The following PDE11A variants were observed in gnomAD, a reference collection of about 807,000 sequenced individuals.
PDE11A encodes the protein dual 3',5'-cyclic-AMP and -GMP phosphodiesterase 11A.
Under a neutral mutation model 100.5 loss-of-function variants are expected in PDE11A, and 100 were observed. That is an observed-to-expected ratio of 1.00 (90% confidence interval 0.85 to 1.18). The LOEUF (loss-of-function observed/expected upper bound fraction) is 1.18, where lower values mean the gene tolerates loss of function less well. Ranked by LOEUF, PDE11A falls within the 50% of genes most tolerant of loss-of-function variation. The pLI is 0.00. For missense variants in PDE11A, 1,141 were observed against 1,152.6 expected (o/e 0.99, Z 0.15); for synonymous variants, 381 against 420.8 (o/e 0.91, Z 1.16).
chr2:177,737,306 C>T (rs530710707), intron 10 of PDE11A, among the ~76,000 whole-genome samples: 108 of 151,404 alleles, frequency 7.1e-4, no homozygotes, highest in African/African-American at 2.3e-3. Context: ...TGGCTGGGTG[C>T]GGTGGCTCAC....
At chr2:177,665,503 TAAATA>T (rs34758781) in intron 18 of PDE11A, among the ~76,000 whole-genome samples, 11 of 143,748 alleles carry the variant, frequency 7.7e-5, no homozygotes, top group East Asian at 2.0e-4. Flanking sequence ...TAATAATAAA[TAAATA>T]AAATAAAATA....
chr2:178,081,328 C>A (rs993950341), intron 2 of PDE11A, among the ~76,000 whole-genome samples: 1 of 152,022 alleles, frequency 6.6e-6, no homozygotes. Context: ...AACTTTTCTA[C>A]AAGCTATTTT....
intron 10 of PDE11A, among the ~76,000 whole-genome samples, chr2:177,731,660 G>A (rs1158989117): frequency 1.3e-5 from 2 of 152,124 alleles, no homozygotes; most frequent in Non-Finnish European, 2.9e-5. Flanking sequence ...AGGATATGGG[G>A]CTCTAACTGC....
rs146336347 is a variant in PDE11A, at chr2:177,979,392, A to G, written c.1071+34910T>C. 3.7e-4 allele frequency among the ~76,000 whole-genome samples: 56 copies of G among 150,738 alleles called. 2 individuals carry two copies. The highest frequency in any genetic ancestry group is 1.3e-3 in the African/African-American group (52 of 41,428). ...GGTTGGTAATTATTTTTATATTGTT[A>G]TGAGATAGCCAACTCAAGGTTCAGG... On this transcript the variant is annotated intron_variant, in intron 2 of 19. Coordinates refer to ENST00000286063, the MANE Select transcript of PDE11A (RefSeq NM_016953.4).
chr2:177,991,644 T>TAAG (rs770408763), intron 2 of PDE11A, among the ~76,000 whole-genome samples: 23 of 150,754 alleles, frequency 1.5e-4, no homozygotes, highest in Non-Finnish European at 3.1e-4. Context: ...CAAAAAATGA[T>TAAG]AATAATAATA....
chr2:177,687,385 T>C (rs2080968260), intron 15 of PDE11A: 3 of 152,330 alleles, frequency 2.0e-5, no homozygotes, highest in African/African-American at 7.2e-5. Flanking sequence ...TGTATAATAT[T>C]GCTCTATGTG....
At chr2:177,748,984 T>C (rs549587666) in intron 10 of PDE11A, among the ~76,000 whole-genome samples, 1 of 152,268 alleles carries the variant, frequency 6.6e-6, no homozygotes, top group South Asian at 2.1e-4. Context: ...AAATAAAATA[T>C]AAAAATAGCT....
chr2:177,867,249 C>G (rs1012935787), intron 5 of PDE11A, among the ~76,000 whole-genome samples: 2 of 152,252 alleles, frequency 1.3e-5, no homozygotes, highest in East Asian at 3.9e-4. Flanking sequence ...AAAGTAGGAA[C>G]AGAATTTCTG....
At chr2:177,935,005 G>C (rs1021628907) in intron 2 of PDE11A, among the ~76,000 whole-genome samples, 1 of 152,096 alleles carries the variant, frequency 6.6e-6, no homozygotes. Context: ...TGAGTACTAT[G>C]CTCAGTACCT....
chr2:177,868,907 T>C (rs896360236), intron 5 of PDE11A, among the ~76,000 whole-genome samples: 1 of 152,246 alleles, frequency 6.6e-6, no homozygotes, highest in Non-Finnish European at 1.5e-5. Flanking sequence ...CTAGAAATTT[T>C]TTCACTGTGC....
intron 4 of PDE11A, among the ~76,000 whole-genome samples, chr2:177,895,207 A>G (rs2105723781): frequency 6.6e-6 from 1 of 152,278 alleles, no homozygotes; most frequent in Non-Finnish European, 1.5e-5. Context: ...AAAACTTTCA[A>G]TAATAAGTCT....
chr2:178,081,180 G>A (rs2087280786), intron 2 of PDE11A, among the ~76,000 whole-genome samples: 1 of 152,102 alleles, frequency 6.6e-6, no homozygotes, highest in African/African-American at 2.4e-5. Context: ...CTTGTGCACT[G>A]AAGAATTAAT....
intron 4 of PDE11A, among the ~76,000 whole-genome samples, chr2:177,887,946 C>A (rs1319477544): frequency 6.6e-6 from 1 of 152,010 alleles, no homozygotes; most frequent in African/African-American, 2.4e-5. Context: ...GAGCCTGGGT[C>A]CCTGATCACA....
At chr2:177,921,649 A>G (rs1187855562) in intron 2 of PDE11A, 1 of 152,128 alleles carries the variant, frequency 6.6e-6, no homozygotes, top group East Asian at 1.9e-4. Flanking sequence ...GTACATTTCA[A>G]ACCTTGTTTC....
At chr2:177,936,991 G>T (rs1001394634) in intron 2 of PDE11A, among the ~76,000 whole-genome samples, 1 of 151,946 alleles carries the variant, frequency 6.6e-6, no homozygotes, top group African/African-American at 2.4e-5. Context: ...ATACTTCTCG[G>T]AGCTTCAATT....
intron 19 of PDE11A, among the ~76,000 whole-genome samples, chr2:177,637,941 A>C (rs1185139983): frequency 6.9e-6 from 1 of 144,956 alleles, no homozygotes; most frequent in Admixed American, 7.0e-5. Flanking sequence ...ACATATATAC[A>C]TATATACACA....
rs1423003105 is a variant in PDE11A at position 177,628,375 on chromosome 2, T to C, written c.*1032A>G. On this transcript the variant is annotated 3_prime_UTR_variant, in exon 20 of 20. Coordinates refer to ENST00000286063, the MANE Select transcript of PDE11A (RefSeq NM_016953.4). ...CTTAATACAGTTTATTCTTACCTAT[T>C]GTAAACCTGGCTTCCTATAGAATAT... 6.6e-6 allele frequency: 1 copy of C among 152,670 alleles called. No homozygotes were observed. The highest frequency in any genetic ancestry group is 6.5e-5 in the Admixed American group (1 of 15,286). 9.5% of individuals were successfully genotyped at this position (152,670 alleles called of 1,614,324 possible).
At chr2:177,998,105 G>A (rs1261385176) in intron 2 of PDE11A, 6 of 1,297,344 alleles carry the variant, frequency 4.6e-6, no homozygotes, top group Admixed American at 1.7e-5. Context: ...GTCTGTTCTA[G>A]GTCGGCCTGT....
At chr2:178,014,621 A>C (rs1472523325) in intron 1 of PDE11A, among the ~76,000 whole-genome samples, 161 bp from the exon 2 acceptor site, 1 of 152,220 alleles carries the variant, frequency 6.6e-6, no homozygotes, top group East Asian at 1.9e-4. Flanking sequence ...TCACCAAAGG[A>C]ATATAAATCC....
Sources: gnomAD v4.1 joint callset for allele counts (sites outside exome capture counted in the v4.1 genomes callset) on GRCh38, gnomAD v4.1.1 for gene constraint, MANE v1.5 for transcripts, NCBI Gene and HGNC (gene_info 2026-07-23, HGNC 2026-07-21) for gene names.